DNAJC8: variants seen among roughly 807,000 people sequenced by gnomAD.
The protein encoded by DNAJC8 is dnaJ homolog subfamily C member 8.
Under a neutral mutation model 43.2 loss-of-function variants are expected in DNAJC8, and 24 were observed. That is an observed-to-expected ratio of 0.56 (90% CI 0.40 to 0.78). DNAJC8 has a LOEUF of 0.78. Ranked by LOEUF, DNAJC8 falls within the 30% of genes least tolerant of loss-of-function variation. DNAJC8 has a pLI of 0.00. For missense variants in DNAJC8, 207 were observed against 299.4 expected (o/e 0.69, Z 2.28); for synonymous variants, 83 against 98.0 (o/e 0.85, Z 0.90).
chr1:28,210,279 C>T lies in DNAJC8; in HGVS notation c.305-213G>A, dbSNP rs368839590. On this transcript the variant is annotated intron_variant, in intron 4 of 8. Transcript: ENST00000263697. ...TTAAATATATACTCAAGGCTAAATA[C>T]ACTACATCTGGATTTAATTCAGTGA... 3.2e-4 allele frequency: 185 copies of T among 578,702 alleles called. 4 individuals are homozygous for T. In the South Asian group the frequency reaches 4.1e-3, roughly 13 times the overall value. 35.8% of individuals were successfully genotyped at this position (578,702 alleles called of 1,614,324 possible).
rs1557707058 is a variant in DNAJC8, at chr1:28,209,955, G to A, written c.399+17C>T. 1.2e-6 allele frequency: 2 copies of A among 1,600,638 alleles called. No individual in the cohort carries two copies. On this transcript the variant is annotated intron_variant, in intron 5 of 8. Coordinates refer to ENST00000263697, the MANE Select transcript of DNAJC8 (RefSeq NM_014280.3). ...GCTGATACTTCCTGTAAACACAGCA[G>A]CACTATAAATACTTACAGTGTGTTC...
At chr1:28,215,396 A>G (rs966339951) in intron 2 of DNAJC8, among the ~76,000 whole-genome samples, 1 of 152,182 alleles carries the variant, frequency 6.6e-6, no homozygotes, top group Non-Finnish European at 1.5e-5. Flanking sequence ...TGGACACTTT[A>G]TAATTTACAA....
At chr1:28,214,876 G>T in intron 3 of DNAJC8, 64 bp downstream of exon 3, 1 of 1,421,346 alleles carries the variant, frequency 7.0e-7, no homozygotes, top group Non-Finnish European at 9.6e-7. Context: ...ATAATAGCAA[G>T]TGATAAAAGA....
chr1:28,228,434 G>C (rs143607157), intron 2 of DNAJC8, among the ~76,000 whole-genome samples: 60 of 151,826 alleles, frequency 4.0e-4, no homozygotes, highest in African/African-American at 1.4e-3. Context: ...ATATATTTGG[G>C]TTGCTAAAAG....
In DNAJC8 at chr1:28,200,841, T is replaced by C. The variant is rs1312848000; in HGVS notation, c.*407A>G. The C allele has an allele frequency of 1.1e-5, 4 of 362,022 alleles. No individual in the cohort carries two copies. The highest frequency in any genetic ancestry group is 8.5e-5 in the African/African-American group (4 of 46,802). The allele number at this position is 362,022 out of a possible 1,614,324, so 22.4% of individuals were successfully genotyped here. On this transcript the variant is annotated 3_prime_UTR_variant, in exon 9 of 9. Coordinates refer to ENST00000263697, the MANE Select transcript of DNAJC8 (RefSeq NM_014280.3). ...ACTGAAGCGAAGGGGCTTCCTAAGGTGCCCCTTCCAGGCTTGTCTCTGAAG... is the reference window on the plus strand; with the variant it reads ...ACTGAAGCGAAGGGGCTTCCTAAGGCGCCCCTTCCAGGCTTGTCTCTGAAG...
In DNAJC8 at chr1:28,229,018, T is replaced by C; in HGVS notation, c.84A>G (p.Lys28=). 6.2e-7 allele frequency: 1 copy of C among 1,613,364 alleles called. No homozygotes were observed. Among genetic ancestry groups the C allele is most frequent in the Non-Finnish European group, 8.5e-7 (1 of 1,179,516 alleles). Reference sequence around the variant, plus strand: ...GAACCGAGTCTCTCTTCTCTATTTGTTTCACCTAAAATTATGAGGATTAAA... The same window carrying C: ...GAACCGAGTCTCTCTTCTCTATTTGCTTCACCTAAAATTATGAGGATTAAA... ...EAFMTFYSEV[K]QIEKRDSVLT... The change falls in exon 2 of 9, where the codon AAA becomes AAG. Residue 28 remains lysine (K), a synonymous_variant. Coordinates refer to ENST00000263697, the MANE Select transcript of DNAJC8 (RefSeq NM_014280.3).
At chr1:28,223,063 A>G (rs1269380828) in intron 2 of DNAJC8, among the ~76,000 whole-genome samples, 1 of 152,040 alleles carries the variant, frequency 6.6e-6, no homozygotes, top group Non-Finnish European at 1.5e-5. Flanking sequence ...AAGCAAGGAC[A>G]TTCCCACAAA....
At chr1:28,228,870 G>C (rs1218301191) in intron 2 of DNAJC8, 52 bp downstream of exon 2, 16 of 1,442,100 alleles carry the variant, frequency 1.1e-5, no homozygotes, top group Non-Finnish European at 1.6e-5. Context: ...TATGCCTGCA[G>C]CTATGCAAAT....
At chr1:28,211,046 C>T (rs1481384009) in intron 3 of DNAJC8, among the ~76,000 whole-genome samples, 2 of 152,034 alleles carry the variant, frequency 1.3e-5, no homozygotes, top group African/African-American at 4.8e-5. Context: ...TGGTGGTGGT[C>T]GCCTGTAGTC....
intron 2 of DNAJC8, among the ~76,000 whole-genome samples, chr1:28,227,359 G>A (rs916767737): frequency 7.1e-6 from 1 of 141,580 alleles, no homozygotes; most frequent in Non-Finnish European, 1.5e-5. Flanking sequence ...AGTGAGCCAA[G>A]ATTGCACCAT....
intron 3 of DNAJC8, among the ~76,000 whole-genome samples, chr1:28,212,031 C>T (rs1185114165): frequency 6.6e-6 from 1 of 150,848 alleles, no homozygotes; most frequent in Non-Finnish European, 1.5e-5. Flanking sequence ...TGGCACACAT[C>T]TATAATACCA....
intron 8 of DNAJC8, 120 bp from the exon 9 acceptor site, chr1:28,201,490 A>G (rs1023747848): frequency 2.0e-6 from 3 of 1,474,070 alleles, no homozygotes; most frequent in Non-Finnish European, 1.8e-6. Flanking sequence ...GGAATAACCC[A>G]AGAGTAGAAT....
In DNAJC8 at chr1:28,205,264, T is replaced by C; in HGVS notation, c.557A>G (p.His186Arg). ...KRKEREAKEMHERKRQREEEI... is the reference protein window; with the variant it reads ...KRKEREAKEMRERKRQREEEI... Reference sequence around the variant, plus strand: ...TGAATATACTGATATGTACCTTTCATGCATCTCTTTGGCTTCTCTCTCTTT... The same window carrying C: ...TGAATATACTGATATGTACCTTTCACGCATCTCTTTGGCTTCTCTCTCTTT... The change falls in exon 7 of 9, where the codon CAT becomes CGT. Residue 186 changes from histidine to arginine, a missense_variant. Transcript: ENST00000263697. 6.2e-7 allele frequency: 1 copy of C among 1,610,568 alleles called. No individual in the cohort carries two copies. Among genetic ancestry groups the C allele is most frequent in the Non-Finnish European group, 8.5e-7 (1 of 1,177,924 alleles).
intron 1 of DNAJC8, among the ~76,000 whole-genome samples, chr1:28,231,234 A>T (rs935432150): frequency 6.6e-6 from 1 of 152,140 alleles, no homozygotes; most frequent in Non-Finnish European, 1.5e-5. Flanking sequence ...TCAGCCAGGC[A>T]TGGTGGCCTG....
At chr1:28,207,740 CCAA>C (rs768159222) in intron 6 of DNAJC8, among the ~76,000 whole-genome samples, 9,055 of 150,298 alleles carry the variant, frequency 0.06, 300 homozygotes, top group Middle Eastern at 0.092. Context: ...CTGCGCCCAG[CCAA>C]ATAAAATGTT....
In DNAJC8 at chr1:28,204,807, G is replaced by A. The variant is rs372642975; in HGVS notation, c.563+451C>T. Among the ~76,000 whole-genome samples the A allele has an allele frequency of 8.5e-5, 13 of 152,182 alleles. No individual in the cohort carries two copies. In the East Asian group the frequency reaches 1.9e-3, roughly 23 times the overall value. ...TGGGAGGGCAAGGCAGGCAGATCAC[G>A]AGGTCAGGAGATCGAGACCATCCTG... is the stretch of plus-strand genomic sequence containing the variant. On this transcript the variant is annotated intron_variant, in intron 7 of 8. Coordinates refer to ENST00000263697, the MANE Select transcript of DNAJC8 (RefSeq NM_014280.3).
intron 2 of DNAJC8, among the ~76,000 whole-genome samples, chr1:28,221,018 G>A (rs1226409092): frequency 6.6e-6 from 1 of 151,706 alleles, no homozygotes; most frequent in Non-Finnish European, 1.5e-5. Flanking sequence ...AAATGTAACA[G>A]CCATCTCCTT....
intron 1 of DNAJC8, 37 bp downstream of exon 1, chr1:28,232,884 G>A: frequency 6.2e-7 from 1 of 1,605,864 alleles, no homozygotes; most frequent in South Asian, 1.1e-5. Flanking sequence ...TCCGGGAGCG[G>A]TCGCCCCGGT....
intron 2 of DNAJC8, among the ~76,000 whole-genome samples, chr1:28,227,642 T>G (rs1381458879): frequency 6.6e-6 from 1 of 151,980 alleles, no homozygotes; most frequent in Non-Finnish European, 1.5e-5. Context: ...TGTGGTGTCA[T>G]ATGCCTGTAA....
Sources: gnomAD v4.1 joint callset for allele counts (sites outside exome capture counted in the v4.1 genomes callset) on GRCh38, gnomAD v4.1.1 for gene constraint, MANE v1.5 for transcripts, NCBI Gene and HGNC (gene_info 2026-07-23, HGNC 2026-07-21) for gene names.